The following PHF24 variants were observed in gnomAD, a reference collection of about 807,000 sequenced individuals.
PHF24 encodes PHD finger protein 24, also known as Galpha inhibitory interacting protein.
In PHF24, 25 loss-of-function variants were observed where a neutral mutation model predicts 42.6. The ratio of observed to expected loss-of-function variants is 0.59; its 90% CI spans 0.43 to 0.82. The LOEUF (loss-of-function observed/expected upper bound fraction) is 0.82, where lower values mean the gene tolerates loss of function less well. Among genes scored for constraint, PHF24 ranks in the 40% least tolerant of loss-of-function variants. The probability of loss-of-function intolerance (pLI) is 0.00; values close to 1 mark genes in which losing one functional copy is unlikely to be tolerated. For missense variants in PHF24, 470 were observed against 538.1 expected (o/e 0.87, Z 1.25); for synonymous variants, 185 against 204.8 (o/e 0.90, Z 0.83).
chr9:34,680,561 G>A, the PHF24 span, among the ~76,000 whole-genome samples: 3 of 147,440 alleles, frequency 2.0e-5, no homozygotes, highest in Non-Finnish European at 3.0e-5. Flanking sequence ...AGTGGCGGGC[G>A]CCTGTAGTCC....
the PHF24 span, among the ~76,000 whole-genome samples, chr9:34,760,868 T>G: frequency 2.6e-5 from 4 of 152,126 alleles, no homozygotes; most frequent in African/African-American, 9.7e-5. Context: ...GGCGAGCGCC[T>G]GTAGTCCCAG....
chr9:34,768,698 C>T, the PHF24 span, among the ~76,000 whole-genome samples: 4 of 152,248 alleles, frequency 2.6e-5, no homozygotes, highest in South Asian at 8.3e-4. Flanking sequence ...TCTGGCCCCG[C>T]TACCTGCTTA....
At chr9:34,853,327 G>A in the PHF24 span, among the ~76,000 whole-genome samples, 1 of 152,146 alleles carries the variant, frequency 6.6e-6, no homozygotes, top group Non-Finnish European at 1.5e-5. Context: ...TGACCATGGT[G>A]GATAAGCTTT....
At chr9:34,942,897 G>A in the PHF24 span, among the ~76,000 whole-genome samples, 1 of 152,044 alleles carries the variant, frequency 6.6e-6, no homozygotes, top group Non-Finnish European at 1.5e-5. Context: ...AATACCTAAT[G>A]TAAATGACGA....
chr9:34,971,530 G>A, exon 2 of PHF24: 1 of 1,614,224 alleles, frequency 6.2e-7, no homozygotes, highest in Non-Finnish European at 8.5e-7. Context: ...CGGCCGCGCA[G>A]CCTGGGAGCG....
the PHF24 span, chr9:34,723,782 G>A: frequency 6.4e-7 from 1 of 1,551,744 alleles, no homozygotes; most frequent in Non-Finnish European, 8.7e-7. Flanking sequence ...CTCAGGAATT[G>A]TCGCTGGTTC....
intron 1 of PHF24, among the ~76,000 whole-genome samples, chr9:34,961,764 C>T (rs566994514): frequency 6.6e-6 from 1 of 152,146 alleles, no homozygotes; most frequent in Non-Finnish European, 1.5e-5. Context: ...GTAAACTGAC[C>T]ACATTTTTGC....
At chr9:34,942,551 G>A in the PHF24 span, among the ~76,000 whole-genome samples, 3 of 152,188 alleles carry the variant, frequency 2.0e-5, no homozygotes, top group African/African-American at 7.2e-5. Context: ...ATTATATTAT[G>A]ACAGAGGGCA....
chr9:34,778,798 C>A, the PHF24 span, among the ~76,000 whole-genome samples: 1 of 152,136 alleles, frequency 6.6e-6, no homozygotes, highest in Non-Finnish European at 1.5e-5. Flanking sequence ...CCCCACCCAA[C>A]AGCAGCAGAA....
the PHF24 span, chr9:34,833,181 C>G: frequency 1.3e-6 from 2 of 1,540,454 alleles, no homozygotes; most frequent in Non-Finnish European, 1.8e-6. Flanking sequence ...AGCATGGGGA[C>G]ATGGGCTGGG....
At chr9:34,707,172 G>T in the PHF24 span, among the ~76,000 whole-genome samples, 12 of 152,262 alleles carry the variant, frequency 7.9e-5, no homozygotes, top group Non-Finnish European at 1.6e-4. Context: ...GGCTTCGGGG[G>T]TATCTGGGGA....
the PHF24 span, among the ~76,000 whole-genome samples, chr9:34,731,121 TA>T: frequency 3.2e-4 from 49 of 152,340 alleles, no homozygotes; most frequent in Non-Finnish European, 5.4e-4. Context: ...ATCTCTCTTT[TA>T]AAAAATGTTT....
chr9:34,669,222 C>T, the PHF24 span, among the ~76,000 whole-genome samples: 1 of 152,082 alleles, frequency 6.6e-6, no homozygotes, highest in Non-Finnish European at 1.5e-5. Context: ...AGTGTGTGCT[C>T]AACCTTGGCA....
chr9:34,700,541 G>C, the PHF24 span, among the ~76,000 whole-genome samples: 1 of 152,194 alleles, frequency 6.6e-6, no homozygotes, highest in South Asian at 2.1e-4. Flanking sequence ...TGATTGAAGA[G>C]GAGTGGGTTT....
At chr9:34,879,884 A>G in the PHF24 span, among the ~76,000 whole-genome samples, 510 of 152,310 alleles carry the variant, frequency 3.3e-3, 1 homozygote, top group South Asian at 0.018. Flanking sequence ...GAGCAACTCC[A>G]AGACACATAA....
At chr9:34,823,657 G>C in the PHF24 span, among the ~76,000 whole-genome samples, 1 of 152,128 alleles carries the variant, frequency 6.6e-6, no homozygotes, top group Non-Finnish European at 1.5e-5. Context: ...AAGGGGGGAA[G>C]CTTTGCTGGA....
chr9:34,851,401 G>A, the PHF24 span, among the ~76,000 whole-genome samples: 7 of 152,282 alleles, frequency 4.6e-5, no homozygotes, highest in African/African-American at 7.2e-5. Context: ...AGGACCCTCC[G>A]AGCCAGGTGC....
At chr9:34,726,824 A>C in the PHF24 span, 20,720 of 1,551,800 alleles carry the variant, frequency 0.013, 207 homozygotes, top group Middle Eastern at 0.034. Context: ...CAGCATCTCT[A>C]GGCAAGAGGA....
At chr9:34,841,342 C>G in the PHF24 span, among the ~76,000 whole-genome samples, 1 of 152,058 alleles carries the variant, frequency 6.6e-6, no homozygotes, top group African/African-American at 2.4e-5. Flanking sequence ...TGCCTCTTTT[C>G]CATATTGAAT....
Sources: allele counts gnomAD v4.1 joint callset (sites outside exome capture counted in the v4.1 genomes callset), GRCh38; gene constraint gnomAD v4.1.1; transcripts MANE v1.5; gene names NCBI Gene and HGNC (gene_info 2026-07-23, HGNC 2026-07-21).